Variants in NTM observed in about 807,000 individuals in gnomAD.
NTM encodes the protein IgLON family member 2.
A neutral mutation model predicts 42.1 loss-of-function variants in NTM; 13 were observed. That is an observed-to-expected ratio of 0.31 (90% CI 0.20 to 0.49). The LOEUF (loss-of-function observed/expected upper bound fraction) is 0.49. NTM is among the 20% of genes least tolerant of loss of function. The probability of loss-of-function intolerance (pLI) is 0.99; values close to 1 mark genes in which losing one functional copy is unlikely to be tolerated. For missense variants in NTM, 373 were observed against 452.8 expected (o/e 0.82, Z 1.60); for synonymous variants, 187 against 179.2 (o/e 1.04, Z -0.35).
chr11:131,778,074 A>G (rs1205231655), intron 1 of NTM, among the ~76,000 whole-genome samples: 1 of 152,234 alleles, frequency 6.6e-6, no homozygotes, highest in African/African-American at 2.4e-5. Context: ...CAACTGTCAC[A>G]GCTCAGAAGT....
At chr11:132,069,545 C>T (rs1156469330) in intron 2 of NTM, among the ~76,000 whole-genome samples, 2 of 150,064 alleles carry the variant, frequency 1.3e-5, no homozygotes, top group Admixed American at 6.6e-5. Flanking sequence ...ACACGTCACC[C>T]AGCCAAGTTA....
intron 1 of NTM, among the ~76,000 whole-genome samples, chr11:131,748,771 G>C (rs1394004169): frequency 6.6e-6 from 1 of 152,162 alleles, no homozygotes; most frequent in Non-Finnish European, 1.5e-5. Context: ...ACAGATGGGA[G>C]GGGACTGCCT....
chr11:132,188,988 TAAGA>T (rs772548780), intron 3 of NTM, among the ~76,000 whole-genome samples: 10 of 152,160 alleles, frequency 6.6e-5, no homozygotes, highest in Non-Finnish European at 1.3e-4. Context: ...AAGAGCTTAA[TAAGA>T]AAGAAAGGAG....
chr11:131,537,164 T>G (rs2052372091), intron 1 of NTM: 1 of 149,210 alleles, frequency 6.7e-6, no homozygotes, highest in Non-Finnish European at 1.5e-5. Context: ...AGGGATGAGC[T>G]TCTTCATCTA....
intron 1 of NTM, among the ~76,000 whole-genome samples, chr11:131,828,975 C>A (rs979186366): frequency 4.0e-5 from 6 of 149,174 alleles, no homozygotes; most frequent in Non-Finnish European, 4.5e-5. Context: ...CATCACTCTC[C>A]CTCTCTCTCT....
Position 132,335,099 on chromosome 11 carries a change from G to C in NTM, c.1021G>C (p.Val341Leu). ...CGGCACGTCGAGGAGGGCAGGCTGC[G>C]TCTGGCTGCTGCCTCTTCTGGTCTT... ...SNGTSRRAGC[V>L]WLLPLLVLHL... The change falls in exon 9 of 9, where the codon GTC becomes CTC. Residue 341 changes from valine to leucine, a missense_variant. Val to Leu is a conservative substitution (Grantham distance 32). Around this residue, in one of 3 missense-constraint regions of NTM, gnomAD observed 312 missense variants for 353.5 expected, o/e 0.88. Transcript: ENST00000683400. The C allele has an allele frequency of 6.2e-7, 1 of 1,612,690 alleles. No homozygotes were observed. The highest frequency in any genetic ancestry group is 8.5e-7 in the Non-Finnish European group (1 of 1,180,002).
rs1371475250 is a variant in NTM at position 132,310,708 on chromosome 11, A to ACCC, written c.782+477_782+479dup. On this transcript the variant is annotated intron_variant, in intron 6 of 8. Transcript: ENST00000683400. ...CAGTAGCGGTGTATAAGAGTCCATG[A>ACCC]CCCAATTTAGCCCTCCCTTTGTGCC... Among the ~76,000 whole-genome samples the ACCC allele has an allele frequency of 5.3e-5, 8 of 152,192 alleles. No homozygotes were observed. In the East Asian group the frequency reaches 1.6e-3, roughly 30 times the overall value.
chr11:132,123,935 C>CGTCTCCT (rs1400055572), intron 2 of NTM, among the ~76,000 whole-genome samples: 1 of 152,142 alleles, frequency 6.6e-6, no homozygotes, highest in Admixed American at 6.5e-5. Flanking sequence ...TTAGAGTGTC[C>CGTCTCCT]GTCTCCTGGA....
intron 3 of NTM, among the ~76,000 whole-genome samples, chr11:132,202,604 A>C (rs2081327190): frequency 6.6e-6 from 1 of 152,244 alleles, no homozygotes; most frequent in African/African-American, 2.4e-5. Context: ...TGTGACCCAC[A>C]TAATAGGGCA....
intron 4 of NTM, among the ~76,000 whole-genome samples, chr11:132,263,544 A>G (rs978634803): frequency 4.6e-5 from 7 of 152,130 alleles, no homozygotes; most frequent in African/African-American, 1.7e-4. Flanking sequence ...ATGCTTTTAC[A>G]TTTTGTATAA....
chr11:132,314,566 A>C lies in NTM; in HGVS notation c.797A>C (p.Lys266Thr), dbSNP rs2095373310. ...GTTTCTCTCAGACTGATTGAAGGAA[A>C]GAAAGGGGTGAAAGTGGAAAACAGA... ...YKDDKRLIEG[K>T]KGVKVENRPF... The change falls in exon 7 of 9, where the codon AAG (lysine) becomes ACG (threonine). Residue 266 changes from lysine to threonine, a missense_variant. This residue lies in a region of NTM where 312 missense variants were observed against 353.5 expected (regional missense o/e 0.88). Transcript: ENST00000683400. 6.2e-7 allele frequency: 1 copy of C among 1,612,632 alleles called. No homozygotes were observed. The highest frequency in any genetic ancestry group is 1.3e-5 in the African/African-American group (1 of 75,028).
In NTM at chr11:131,387,453, A is replaced by G. The variant is rs1203132718; in HGVS notation, c.82+16565A>G. ...TCTCTAACGGGAATGTTCTTCCTGC[A>G]GGATCAGGACAGTGGAACACTGTAC... On this transcript the variant is annotated intron_variant, in intron 1 of 8. Coordinates refer to ENST00000683400, the MANE Select transcript of NTM (RefSeq NM_001352005.2). Among the ~76,000 whole-genome samples the G allele has an allele frequency of 2.6e-5, 4 of 152,238 alleles. No individual in the cohort carries two copies. In the South Asian group the frequency reaches 8.3e-4, roughly 31 times the overall value.
intron 2 of NTM, among the ~76,000 whole-genome samples, chr11:132,023,653 G>A (rs956427148): frequency 1.3e-5 from 2 of 152,164 alleles, no homozygotes; most frequent in Non-Finnish European, 2.9e-5. Context: ...GAAGTGAACA[G>A]CGTTATTGCA....
chr11:131,728,620 G>A (rs1472827387), intron 1 of NTM, among the ~76,000 whole-genome samples: 1 of 152,192 alleles, frequency 6.6e-6, no homozygotes, highest in East Asian at 1.9e-4. Context: ...CACTAAGCAT[G>A]TGGGGGTTAT....
intron 1 of NTM, among the ~76,000 whole-genome samples, chr11:131,626,831 A>G (rs534878458): frequency 2.5e-4 from 38 of 152,304 alleles, no homozygotes; most frequent in African/African-American, 8.7e-4. Flanking sequence ...GAAAGCAAAA[A>G]CTAACTAAAT....
intron 1 of NTM, among the ~76,000 whole-genome samples, chr11:131,748,620 G>A (rs536913885): frequency 1.2e-4 from 18 of 152,214 alleles, no homozygotes; most frequent in Admixed American, 7.2e-4. Flanking sequence ...GAATGTATTC[G>A]TTTCCTATAA....
At chr11:131,982,187 G>C (rs1281094952) in intron 2 of NTM, among the ~76,000 whole-genome samples, 1 of 152,096 alleles carries the variant, frequency 6.6e-6, no homozygotes, top group Non-Finnish European at 1.5e-5. Flanking sequence ...TGGAGGGAGG[G>C]GGGACTTGGA....
At chr11:131,439,775 G>A (rs1048505336) in intron 1 of NTM, among the ~76,000 whole-genome samples, 2 of 152,122 alleles carry the variant, frequency 1.3e-5, no homozygotes, top group Non-Finnish European at 2.9e-5. Flanking sequence ...CAGGTGAGGC[G>A]ATGCCCTGCC....
chr11:132,314,514 AT>A (rs1352331025), intron 6 of NTM, 37 bp from the exon 7 acceptor site: 1 of 1,587,308 alleles, frequency 6.3e-7, no homozygotes, highest in African/African-American at 1.3e-5. Context: ...ACACATAACC[AT>A]CTTGTTTTCT....
Sources: allele counts gnomAD v4.1 joint callset (sites outside exome capture counted in the v4.1 genomes callset), GRCh38; gene constraint gnomAD v4.1.1; regional missense constraint gnomAD v4.1.1; transcripts MANE v1.5; gene names NCBI Gene and HGNC (gene_info 2026-07-23, HGNC 2026-07-21).